CMSS1: variants seen among roughly 807,000 people sequenced by gnomAD.
The protein encoded by CMSS1 is cms1 ribosomal small subunit homolog, also known as protein CMSS1.
Under a neutral mutation model 43.5 loss-of-function variants are expected in CMSS1, and 33 were observed. The observed-to-expected ratio is 0.76, with a 90% CI of 0.57 to 1.01. The LOEUF (loss-of-function observed/expected upper bound fraction) is 1.01. Ranked by LOEUF, CMSS1 falls within the 50% of genes least tolerant of loss-of-function variation. The probability of loss-of-function intolerance (pLI) is 0.00; values close to 1 mark genes in which losing one functional copy is unlikely to be tolerated. For synonymous variants in CMSS1, 115 were observed against 117.2 expected (o/e 0.98, Z 0.12); for missense variants, 313 against 326.4 (o/e 0.96, Z 0.32).
intron 1 of CMSS1, among the ~76,000 whole-genome samples, chr3:99,935,666 G>A (rs4479633): frequency 0.73 from 111,811 of 152,160 alleles, 41,794 homozygotes; most frequent in African/African-American, 0.88. Flanking sequence ...ACCTGAGACT[G>A]GATGATCTTT....
intron 1 of CMSS1, among the ~76,000 whole-genome samples, chr3:100,026,190 G>T (rs560296768): frequency 5.0e-4 from 76 of 152,236 alleles, no homozygotes; most frequent in Non-Finnish European, 7.9e-4. Flanking sequence ...GCTGTAGCAG[G>T]TATCCTTTTT....
At chr3:99,941,593 A>G (rs946489398) in intron 1 of CMSS1, among the ~76,000 whole-genome samples, 1 of 152,226 alleles carries the variant, frequency 6.6e-6, no homozygotes, top group African/African-American at 2.4e-5. Flanking sequence ...TATGCATCAC[A>G]GGGCTGTTTA....
chr3:99,986,194 T>C (rs181402377), intron 1 of CMSS1, among the ~76,000 whole-genome samples: 31 of 152,360 alleles, frequency 2.0e-4, no homozygotes, highest in African/African-American at 7.2e-4. Flanking sequence ...AATTATAAGA[T>C]GTAAAGATAG....
chr3:99,952,093 G>A (rs1468826532), intron 1 of CMSS1, among the ~76,000 whole-genome samples: 1 of 151,918 alleles, frequency 6.6e-6, no homozygotes, highest in Non-Finnish European at 1.5e-5. Context: ...CTGTTAAAGA[G>A]AATATATAGA....
intron 1 of CMSS1, among the ~76,000 whole-genome samples, chr3:99,847,203 A>T (rs1943403350): frequency 6.6e-6 from 1 of 151,924 alleles, no homozygotes; most frequent in Non-Finnish European, 1.5e-5. Flanking sequence ...CTTGTTTAAA[A>T]AAAACTGTAA....
chr3:99,846,288 A>G (rs985580595), intron 1 of CMSS1, among the ~76,000 whole-genome samples: 6 of 152,148 alleles, frequency 3.9e-5, no homozygotes, highest in Non-Finnish European at 7.3e-5. Context: ...CCATTATGTG[A>G]CAAAGTTGGG....
At chr3:99,893,380 T>C (rs1320854581) in intron 1 of CMSS1, among the ~76,000 whole-genome samples, 1 of 152,132 alleles carries the variant, frequency 6.6e-6, no homozygotes, top group Non-Finnish European at 1.5e-5. Flanking sequence ...TTAGCCAGAA[T>C]GGTCTCGATC....
At chr3:99,965,889 C>T (rs1289105168) in intron 1 of CMSS1, among the ~76,000 whole-genome samples, 2 of 152,136 alleles carry the variant, frequency 1.3e-5, no homozygotes, top group Non-Finnish European at 2.9e-5. Context: ...TCCAGCCTGC[C>T]GCCACTGGAC....
chr3:99,967,478 G>C (rs891499684), intron 1 of CMSS1, among the ~76,000 whole-genome samples: 12 of 152,180 alleles, frequency 7.9e-5, no homozygotes, highest in African/African-American at 2.9e-4. Context: ...GGTACATAGT[G>C]ATCCAGTGGG....
At chr3:100,152,770 A>T (rs2066931711) in intron 2 of CMSS1, among the ~76,000 whole-genome samples, 1 of 152,208 alleles carries the variant, frequency 6.6e-6, no homozygotes, top group South Asian at 2.1e-4. Flanking sequence ...ATATAATTTC[A>T]GAAAACTGTA....
At chr3:99,938,136 G>A (rs935640743) in intron 1 of CMSS1, among the ~76,000 whole-genome samples, 4 of 152,096 alleles carry the variant, frequency 2.6e-5, no homozygotes, top group African/African-American at 7.2e-5. Context: ...TTAGATCCAC[G>A]TAACTTACTG....
intron 1 of CMSS1, among the ~76,000 whole-genome samples, chr3:99,824,107 G>A (rs1373851284): frequency 6.6e-6 from 1 of 151,980 alleles, no homozygotes; most frequent in Non-Finnish European, 1.5e-5. Flanking sequence ...ATATTTAGCA[G>A]AGACGGGATT....
intron 1 of CMSS1, among the ~76,000 whole-genome samples, chr3:100,021,958 TGTGAGAGAGAGAGAGA>T (rs1271164682): frequency 3.9e-4 from 37 of 94,928 alleles, no homozygotes; most frequent in Admixed American, 2.4e-3. Flanking sequence ...TGTGTGTGTG[TGTGAGAGAGAGAGAGA>T]GAGAGAGAGA....
intron 1 of CMSS1, among the ~76,000 whole-genome samples, chr3:99,900,925 G>C (rs964343741): frequency 1.3e-4 from 20 of 152,230 alleles, no homozygotes; most frequent in African/African-American, 4.8e-4. Context: ...GAGTATGCCT[G>C]AGGGGAAGGG....
chr3:100,087,729 A>G (rs1192222756), intron 1 of CMSS1, among the ~76,000 whole-genome samples: 1 of 152,098 alleles, frequency 6.6e-6, no homozygotes, highest in African/African-American at 2.4e-5. Context: ...TTTTTGAAGA[A>G]GACCAATTGA....
intron 1 of CMSS1, among the ~76,000 whole-genome samples, chr3:99,976,816 C>A (rs1200161072): frequency 6.6e-6 from 1 of 151,924 alleles, no homozygotes; most frequent in African/African-American, 2.4e-5. Flanking sequence ...GATGTTTGAC[C>A]ATTATCTCTT....
chr3:99,844,906 A>G (rs1194999066), intron 1 of CMSS1, among the ~76,000 whole-genome samples: 1 of 152,144 alleles, frequency 6.6e-6, no homozygotes, highest in Non-Finnish European at 1.5e-5. Context: ...GCCTCCTGCC[A>G]TGATTGTAAG....
chr3:99,822,843 A>C (rs965079745), intron 1 of CMSS1, among the ~76,000 whole-genome samples: 1 of 152,218 alleles, frequency 6.6e-6, no homozygotes. Flanking sequence ...TAGTTAATTT[A>C]ATCTTCCCAA....
At chr3:100,053,746 A>G (rs1217206281) in intron 1 of CMSS1, among the ~76,000 whole-genome samples, 1 of 152,152 alleles carries the variant, frequency 6.6e-6, no homozygotes, top group Non-Finnish European at 1.5e-5. Context: ...TCACTGTGTT[A>G]TCTTTCTTAC....
Sources: gnomAD v4.1 joint callset for allele counts (sites outside exome capture counted in the v4.1 genomes callset) on GRCh38, gnomAD v4.1.1 for gene constraint, MANE v1.5 for transcripts, NCBI Gene and HGNC (gene_info 2026-07-23, HGNC 2026-07-21) for gene names.